The following FGF12 variants were observed in gnomAD, a reference collection of about 807,000 sequenced individuals.
FGF12 encodes fibroblast growth factor 12, also known as fibroblast growth factor 12B.
FGF12 carries 14 observed loss-of-function variants against 23.6 expected under a neutral mutation model. The observed-to-expected ratio is 0.59, with a 90% CI of 0.39 to 0.93. FGF12 has a LOEUF of 0.93. Ranked by LOEUF, FGF12 falls within the 40% of genes least tolerant of loss-of-function variation. The pLI is 0.00. For missense variants in FGF12, 175 were observed against 217.8 expected, an observed-to-expected ratio of 0.80 and a Z score of 1.24; for synonymous variants, 62 against 77.3, an observed-to-expected ratio of 0.80 and a Z score of 1.04.
At chr3:192,481,722 T>C (rs1310478569) in intron 2 of FGF12, among the ~76,000 whole-genome samples, 1 of 152,010 alleles carries the variant, frequency 6.6e-6, no homozygotes, top group African/African-American at 2.4e-5. Context: ...GATGAAAGAG[T>C]TGTACCACTC....
intron 2 of FGF12, among the ~76,000 whole-genome samples, chr3:192,497,302 G>A (rs1723987416): frequency 6.6e-6 from 1 of 152,150 alleles, no homozygotes; most frequent in Non-Finnish European, 1.5e-5. Context: ...AATCTTGACA[G>A]TTCTACCTTC....
At chr3:192,394,717 T>C (rs1194562241) in intron 2 of FGF12, among the ~76,000 whole-genome samples, 1 of 152,220 alleles carries the variant, frequency 6.6e-6, no homozygotes, top group Admixed American at 6.5e-5. Flanking sequence ...CAAAAACCTC[T>C]TTTATTTATA....
intron 2 of FGF12, among the ~76,000 whole-genome samples, chr3:192,614,624 A>C (rs975005054): frequency 2.0e-5 from 3 of 151,928 alleles, no homozygotes; most frequent in African/African-American, 7.2e-5. Flanking sequence ...ATTTTTTAAA[A>C]CTCTAATCCG....
rs192242931 is a variant in FGF12 at position 192,322,168 on chromosome 3, A to G, written c.228+13193T>C. On this transcript the variant is annotated intron_variant, in intron 4 of 5. Transcript: ENST00000445105. ...CATACAAAAATCGGTGGCATTCTAT[A>G]TGCCAACAGTGAACAATCAGAAAAA... Among the ~76,000 whole-genome samples the G allele has an allele frequency of 2.2e-4, 33 of 152,266 alleles. 1 individual carries two copies. The East Asian group carries it at 6.4e-3, about 29-fold the overall frequency.
chr3:192,270,850 C>G (rs1226885011), intron 4 of FGF12, among the ~76,000 whole-genome samples: 1 of 149,986 alleles, frequency 6.7e-6, no homozygotes, highest in Non-Finnish European at 1.5e-5. Flanking sequence ...ATAAAAGAAT[C>G]CACTAATTCA....
Position 192,702,460 on chromosome 3 carries a change from A to G in FGF12, c.13+24721T>C, listed in dbSNP as rs565842263. Among the ~76,000 whole-genome samples the G allele has an allele frequency of 3.3e-5, 5 of 152,300 alleles. No homozygotes were observed. The South Asian group carries it at 1.0e-3, about 32-fold the overall frequency. ...TTGAAAACTTTCTTATAGCCTTCTTATTTAAAAAGAGAATGACTAATAGGG... is the reference window on the plus strand; with the variant it reads ...TTGAAAACTTTCTTATAGCCTTCTTGTTTAAAAAGAGAATGACTAATAGGG... On this transcript the variant is annotated intron_variant, in intron 2 of 5. Coordinates refer to ENST00000445105, the MANE Select transcript of FGF12 (RefSeq NM_004113.6).
At chr3:192,451,206 T>C (rs948558748) in intron 2 of FGF12, among the ~76,000 whole-genome samples, 1 of 152,360 alleles carries the variant, frequency 6.6e-6, no homozygotes, top group Admixed American at 6.5e-5. Flanking sequence ...ATGATAGATA[T>C]TTATCACTTC....
chr3:192,678,746 G>A (rs1052178558), intron 2 of FGF12, among the ~76,000 whole-genome samples: 1 of 152,216 alleles, frequency 6.6e-6, no homozygotes, highest in Non-Finnish European at 1.5e-5. Context: ...AACAGGGTCA[G>A]TGCATGGCGG....
At chr3:192,451,468 T>G (rs1052322896) in intron 2 of FGF12, among the ~76,000 whole-genome samples, 1 of 152,200 alleles carries the variant, frequency 6.6e-6, no homozygotes, top group African/African-American at 2.4e-5. Flanking sequence ...ACCAGCCTAC[T>G]GTACCAGGAA....
intron 2 of FGF12, among the ~76,000 whole-genome samples, chr3:192,500,245 C>T (rs1252858123): frequency 6.6e-6 from 1 of 152,220 alleles, no homozygotes; most frequent in Non-Finnish European, 1.5e-5. Context: ...TCCTCTTACA[C>T]ACCTGGAAGG....
At chr3:192,150,485 T>C (rs1485415004) in intron 5 of FGF12, among the ~76,000 whole-genome samples, 6 of 132,948 alleles carry the variant, frequency 4.5e-5, no homozygotes, top group Admixed American at 7.8e-5. Context: ...CTTGAATTGA[T>C]TTTTGTATAA....
chr3:192,387,255 T>C (rs983944034), intron 2 of FGF12, among the ~76,000 whole-genome samples: 5 of 152,120 alleles, frequency 3.3e-5, no homozygotes, highest in Non-Finnish European at 7.3e-5. Flanking sequence ...AGAATTCAAA[T>C]GACACCTCCT....
At chr3:192,722,547 A>G (rs1719072142) in intron 2 of FGF12, among the ~76,000 whole-genome samples, 1 of 152,156 alleles carries the variant, frequency 6.6e-6, no homozygotes, top group East Asian at 1.9e-4. Flanking sequence ...GTCTCTCTTG[A>G]GAGAGTGGGT....
chr3:192,531,540 G>A (rs1296498998), intron 2 of FGF12, among the ~76,000 whole-genome samples: 4 of 152,052 alleles, frequency 2.6e-5, no homozygotes, highest in Non-Finnish European at 5.9e-5. Context: ...AGAGGTTTGG[G>A]TATTTTTTTT....
intron 2 of FGF12, among the ~76,000 whole-genome samples, chr3:192,654,728 C>T (rs918295630): frequency 6.6e-6 from 1 of 152,214 alleles, no homozygotes. Flanking sequence ...CCACACCACC[C>T]TGCATCACAG....
At chr3:192,502,547 T>C (rs193037411) in intron 2 of FGF12, among the ~76,000 whole-genome samples, 22 of 152,324 alleles carry the variant, frequency 1.4e-4, no homozygotes, top group Non-Finnish European at 1.5e-5. Flanking sequence ...CCCAAACACA[T>C]AGAAATGTAC....
intron 4 of FGF12, among the ~76,000 whole-genome samples, chr3:192,197,852 A>G (rs907217479): frequency 1.3e-5 from 2 of 150,338 alleles, no homozygotes. Context: ...AGGCTGAGGC[A>G]GGAGAATCAC....
intron 2 of FGF12, among the ~76,000 whole-genome samples, chr3:192,533,784 C>T (rs1366477855): frequency 1.3e-5 from 2 of 152,194 alleles, no homozygotes; most frequent in Non-Finnish European, 2.9e-5. Context: ...TATCTCTCTC[C>T]ATAGGCTAGA....
At chr3:192,309,930 T>A (rs1293803793) in intron 4 of FGF12, among the ~76,000 whole-genome samples, 2 of 152,358 alleles carry the variant, frequency 1.3e-5, no homozygotes, top group East Asian at 3.9e-4. Flanking sequence ...CTTCTTCTTT[T>A]ACTCTTTTTT....
Sources: allele counts gnomAD v4.1 joint callset (sites outside exome capture counted in the v4.1 genomes callset), GRCh38; gene constraint gnomAD v4.1.1; transcripts MANE v1.5; gene names NCBI Gene and HGNC (gene_info 2026-07-23, HGNC 2026-07-21).